Variants in NIM1K observed in about 807,000 individuals in gnomAD.
The protein encoded by NIM1K is NIM1 serine/threonine protein kinase, also known as serine/threonine-protein kinase NIM1.
In NIM1K, 35 loss-of-function variants were observed where a neutral mutation model predicts 37.1. That is an observed-to-expected ratio of 0.94 (90% CI 0.72 to 1.25). The LOEUF (loss-of-function observed/expected upper bound fraction) is 1.25. NIM1K is among the 50% of genes most tolerant of loss of function. The pLI is 0.00. For synonymous variants in NIM1K, 234 were observed against 206.6 expected (o/e 1.13, Z -1.14); for missense variants, 564 against 548.0 (o/e 1.03, Z -0.29).
chr5:43,255,617 T>G (rs1752931448), intron 2 of NIM1K, among the ~76,000 whole-genome samples: 1 of 151,644 alleles, frequency 6.6e-6, no homozygotes, highest in Non-Finnish European at 1.5e-5. Context: ...GGCATGGTGG[T>G]GTGCACCTTT....
At chr5:43,267,933 G>A (rs1421747597) in intron 2 of NIM1K, among the ~76,000 whole-genome samples, 3 of 152,106 alleles carry the variant, frequency 2.0e-5, no homozygotes, top group Admixed American at 1.3e-4. Flanking sequence ...ATAGTTTTTG[G>A]GTAGGATGTT....
intron 1 of NIM1K, among the ~76,000 whole-genome samples, chr5:43,226,677 C>T (rs781772995): frequency 2.1e-4 from 32 of 152,194 alleles, no homozygotes; most frequent in Non-Finnish European, 1.0e-4. Flanking sequence ...TTCTGAGTGT[C>T]AAGTATAATG....
Position 43,198,869 on chromosome 5 carries a change from T to A in NIM1K, c.-695+6458T>A, listed in dbSNP as rs563077068. ...AATGAGGATAATAGCAGGCACCTTTTAGGGCTGTTGTAAAGATTTTTAAAA... is the reference window on the plus strand; with the variant it reads ...AATGAGGATAATAGCAGGCACCTTTAAGGGCTGTTGTAAAGATTTTTAAAA... On this transcript the variant is annotated intron_variant, in intron 1 of 3. Transcript: ENST00000326035. 5.0e-3 allele frequency among the ~76,000 whole-genome samples: 767 copies of A among 152,230 alleles called. 4 individuals carry two copies. Among genetic ancestry groups the A allele is most frequent in the Middle Eastern group, 0.014 (4 of 294 alleles).
At chr5:43,239,806 C>T (rs1156544037) in intron 1 of NIM1K, among the ~76,000 whole-genome samples, 1 of 152,072 alleles carries the variant, frequency 6.6e-6, no homozygotes, top group Non-Finnish European at 1.5e-5. Context: ...TTTTTATCCT[C>T]ATGGGTTTGT....
intron 1 of NIM1K, among the ~76,000 whole-genome samples, chr5:43,235,274 C>A (rs1352934310): frequency 6.6e-6 from 1 of 152,184 alleles, no homozygotes; most frequent in Non-Finnish European, 1.5e-5. Context: ...AGTCACAAAA[C>A]TATTTTGTTA....
chr5:43,237,644 C>T (rs1023048726), intron 1 of NIM1K, among the ~76,000 whole-genome samples: 10 of 152,150 alleles, frequency 6.6e-5, no homozygotes, highest in African/African-American at 2.4e-4. Context: ...AGAGCAACCC[C>T]ACAACCTGTG....
Position 43,255,770 on chromosome 5 carries a change from G to GAAAGAAAGAAA in NIM1K, c.292+9712_292+9713insAAAAAGAAAGA, listed in dbSNP as rs1579982354. ...CTCAAAAAAAAAAGAAAGAAAGAAA[G>GAAAGAAAGAAA]AAAGAAAGAGCAGGAGGGGAGATAG... On this transcript the variant is annotated intron_variant, in intron 2 of 3. Coordinates refer to ENST00000326035, the MANE Select transcript of NIM1K (RefSeq NM_153361.4). Among the ~76,000 whole-genome samples the GAAAGAAAGAAA allele has an allele frequency of 8.0e-5, 12 of 150,044 alleles. No individual in the cohort carries two copies. In the East Asian group the frequency reaches 2.3e-3, roughly 29 times the overall value.
At chr5:43,229,030 A>G (rs1394706852) in intron 1 of NIM1K, among the ~76,000 whole-genome samples, 1 of 152,196 alleles carries the variant, frequency 6.6e-6, no homozygotes, top group Non-Finnish European at 1.5e-5. Context: ...AGTACTTTTT[A>G]AAACAATAAC....
In NIM1K at chr5:43,277,321, A is replaced by G; in HGVS notation, c.557A>G (p.His186Arg). 6.2e-7 allele frequency: 1 copy of G among 1,613,646 alleles called. No homozygotes were observed. Among genetic ancestry groups the G allele is most frequent in the Non-Finnish European group, 8.5e-7 (1 of 1,179,796 alleles). Residue 186 changes from histidine (H) to arginine (R), a missense_variant, in exon 3 of 4, where the codon CAC becomes CGC. By Grantham distance (29) the His-to-Arg change is conservative (BLOSUM62 0). Coordinates refer to ENST00000326035, the MANE Select transcript of NIM1K (RefSeq NM_153361.4). ...IFSQIVSAVK[H>R]MHENQIIHRD... ...TCCCAGATTGTGTCTGCCGTGAAGC[A>G]CATGGTGAGCAGGGGTGACGAGTGA...
At chr5:43,225,144 T>C (rs1210726794) in intron 1 of NIM1K, among the ~76,000 whole-genome samples, 1 of 151,654 alleles carries the variant, frequency 6.6e-6, no homozygotes, top group Non-Finnish European at 1.5e-5. Flanking sequence ...TAGTGGCCAG[T>C]GTGGAATTAT....
intron 1 of NIM1K, among the ~76,000 whole-genome samples, chr5:43,228,554 G>A (rs1423587575): frequency 1.2e-4 from 19 of 152,080 alleles, no homozygotes; most frequent in Admixed American, 1.2e-3. Context: ...ACCAGGTGCT[G>A]TGGCTCACTC....
At chr5:43,261,450 C>G (rs145130932) in intron 2 of NIM1K, among the ~76,000 whole-genome samples, 1 of 151,824 alleles carries the variant, frequency 6.6e-6, no homozygotes, top group Non-Finnish European at 1.5e-5. Context: ...CTTTTTGATG[C>G]GGTTGCTTGT....
At chr5:43,255,754 A>AAAAAGAAAG (rs112325348) in intron 2 of NIM1K, among the ~76,000 whole-genome samples, 29 of 131,892 alleles carry the variant, frequency 2.2e-4, no homozygotes, top group East Asian at 6.4e-4. Context: ...TCTCAAAAAA[A>AAAAAGAAAG]AAAGAAAGAA....
At chr5:43,233,008 G>C (rs187527048) in intron 1 of NIM1K, 2 of 1,196,568 alleles carry the variant, frequency 1.7e-6, no homozygotes, top group African/African-American at 1.5e-5. Flanking sequence ...GCCGGAGCCC[G>C]TCTCACTGAA....
intron 2 of NIM1K, among the ~76,000 whole-genome samples, chr5:43,269,452 T>C (rs910157820): frequency 6.6e-6 from 1 of 152,054 alleles, no homozygotes; most frequent in Non-Finnish European, 1.5e-5. Flanking sequence ...ACAGCAGATA[T>C]TTGGTTTGTG....
intron 2 of NIM1K, among the ~76,000 whole-genome samples, chr5:43,250,436 T>C (rs1248906737): frequency 6.6e-6 from 1 of 152,220 alleles, no homozygotes; most frequent in Non-Finnish European, 1.5e-5. Context: ...TCCATACTTC[T>C]TTGCATATAC....
intron 1 of NIM1K, among the ~76,000 whole-genome samples, chr5:43,231,097 C>A (rs2112242880): frequency 6.6e-6 from 1 of 152,314 alleles, no homozygotes; most frequent in African/African-American, 2.4e-5. Context: ...GCTGGGGGAT[C>A]ACTTGAGCTC....
At chr5:43,194,662 A>T (rs1165899015) in intron 1 of NIM1K, 1 of 152,228 alleles carries the variant, frequency 6.6e-6, no homozygotes, top group East Asian at 1.9e-4. Context: ...TTCTTTAAAG[A>T]ACCGTAATTC....
chr5:43,212,196 G>A (rs1199716746), intron 1 of NIM1K, among the ~76,000 whole-genome samples: 1 of 152,092 alleles, frequency 6.6e-6, no homozygotes, highest in African/African-American at 2.4e-5. Flanking sequence ...GGAAGTGGGA[G>A]GATCAACAGG....
Sources: gnomAD v4.1 joint callset for allele counts (sites outside exome capture counted in the v4.1 genomes callset) on GRCh38, gnomAD v4.1.1 for gene constraint, MANE v1.5 for transcripts, NCBI Gene and HGNC (gene_info 2026-07-23, HGNC 2026-07-21) for gene names.